The following FBXW5 variants were observed in gnomAD, a reference collection of about 807,000 sequenced individuals.
FBXW5 encodes F-box and WD repeat domain containing 5.
A neutral mutation model predicts 50.9 loss-of-function variants in FBXW5; 74 were observed. The ratio of observed to expected loss-of-function variants is 1.45; its 90% CI spans 1.20 to 1.76. The LOEUF is 1.76. Among genes scored for constraint, FBXW5 ranks in the 40% most tolerant of loss-of-function variants. The pLI is 0.00. For synonymous variants in FBXW5, 523 were observed against 362.2 expected, an observed-to-expected ratio of 1.44 and a Z score of -5.04; for missense variants, 1,073 against 818.8, an observed-to-expected ratio of 1.31 and a Z score of -3.79.
Position 136,942,081 on chromosome 9 carries a change from G to C in FBXW5, c.1061C>G (p.Thr354Ser). The change falls in exon 6 of 9, where the codon ACC (threonine) becomes AGC (serine). Residue 354 changes from threonine (T) to serine (S), a missense_variant. Coordinates refer to ENST00000325285, the MANE Select transcript of FBXW5 (RefSeq NM_018998.4). ...TGGGGAGTAGGTGAGGCAGCCAGTGGTGAAGATGAGGTACTTGCTCTTGGC... is the reference window on the plus strand; with the variant it reads ...TGGGGAGTAGGTGAGGCAGCCAGTGCTGAAGATGAGGTACTTGCTCTTGGC... Reference protein sequence around the residue: ...TGAKSKYLIFTTGCLTYSPHQ... With the variant: ...TGAKSKYLIFSTGCLTYSPHQ... 1 of 1,612,022 alleles carries C rather than the reference G, an allele frequency of 6.2e-7. No individual in the cohort carries two copies. Among genetic ancestry groups the C allele is most frequent in the East Asian group, 2.2e-5 (1 of 44,818 alleles).
At chr9:136,941,855 C>G (rs1850784191) in intron 6 of FBXW5, 171 bp from the exon 7 acceptor site, 20 of 1,436,542 alleles carry the variant, frequency 1.4e-5, no homozygotes, top group Non-Finnish European at 1.8e-5. Context: ...TGCTTGCTGG[C>G]CAGCGGCCCT....
chr9:136,943,924 A>G lies in FBXW5; in HGVS notation c.160T>C (p.Tyr54His), dbSNP rs572083423. Residue 54 changes from tyrosine (Y) to histidine (H), a missense_variant, in exon 2 of 9, where the codon TAC (tyrosine) becomes CAC (histidine). Tyr to His is a moderately conservative substitution (Grantham distance 83, BLOSUM62 2). Coordinates refer to ENST00000325285, the MANE Select transcript of FBXW5 (RefSeq NM_018998.4). ...FLWREQFYRYYQVARDVPRHP... is the reference protein window; with the variant it reads ...FLWREQFYRYHQVARDVPRHP... ...CGGGGCACGTCGCGGGCCACCTGGT[A>G]GTAGCGGTAGAACTGCTCCCTCCAC... 1.0e-4 allele frequency: 156 copies of G among 1,551,256 alleles called. No homozygotes were observed. The highest frequency in any genetic ancestry group is 1.7e-4 in the Middle Eastern group (1 of 5,988).
chr9:136,942,083 G>A lies in FBXW5; in HGVS notation c.1059C>T (p.Phe353=), dbSNP rs1369797305. The A allele has an allele frequency of 1.9e-6, 3 of 1,612,000 alleles. No individual in the cohort carries two copies. Among genetic ancestry groups the A allele is most frequent in the Admixed American group, 1.7e-5 (1 of 59,896 alleles). ...GGGAGTAGGTGAGGCAGCCAGTGGT[G>A]AAGATGAGGTACTTGCTCTTGGCGC... The part of the protein sequence containing the change: ...ATGAKSKYLI[F]TTGCLTYSPH... The change falls in exon 6 of 9, where the codon TTC becomes TTT. Residue 353 remains phenylalanine, a synonymous_variant. Coordinates refer to ENST00000325285, the MANE Select transcript of FBXW5 (RefSeq NM_018998.4).
rs1212986403 is a variant in FBXW5, at chr9:136,942,941, G to T, written c.354C>A (p.Ile118=). The change falls in exon 4 of 9, where the codon ATC becomes ATA. Residue 118 remains isoleucine (I), a splice_region_variant and synonymous_variant. Coordinates refer to ENST00000325285, the MANE Select transcript of FBXW5 (RefSeq NM_018998.4). The part of the protein sequence containing the change: ...ASCSKDCTVK[I]WSNDLTISLL... ...GCGAGATGGTCAGGTCGTTGCTCCAGATCTGTTCGGCAGGGGCGGCTGTAG... is the reference window on the plus strand; with the variant it reads ...GCGAGATGGTCAGGTCGTTGCTCCATATCTGTTCGGCAGGGGCGGCTGTAG... The T allele has an allele frequency of 6.2e-7, 1 of 1,613,156 alleles. No individual in the cohort carries two copies. Among genetic ancestry groups the T allele is most frequent in the African/African-American group, 1.3e-5 (1 of 75,002 alleles).
chr9:136,943,045 A>G lies in FBXW5; in HGVS notation c.352-102T>C, dbSNP rs1442033641. The stretch of plus-strand genomic sequence containing the variant: ...CCCCAGCTCTGCCAGCCCTACTCAG[A>G]GGCCACCAGGGAGCAGGGACCCCTT... On this transcript the variant is annotated intron_variant, in intron 3 of 8. Coordinates refer to ENST00000325285, the MANE Select transcript of FBXW5 (RefSeq NM_018998.4). 5.1e-6 allele frequency: 8 copies of G among 1,562,658 alleles called. No individual in the cohort carries two copies. The East Asian group carries it at 1.8e-4, about 35-fold the overall frequency.
In FBXW5 at chr9:136,940,836, T is replaced by C. The variant is rs1452058646; in HGVS notation, c.*92A>G. 2.7e-6 allele frequency: 4 copies of C among 1,478,454 alleles called. No individual in the cohort carries two copies. The African/African-American group carries it at 5.6e-5, about 21-fold the overall frequency. 91.6% of individuals were successfully genotyped at this position (1,478,454 alleles called of 1,614,324 possible). On this transcript the variant is annotated 3_prime_UTR_variant, in exon 9 of 9. Transcript: ENST00000325285. The stretch of plus-strand genomic sequence containing the variant: ...TCCCCTTCCTAAGGCGTAACTGCTA[T>C]AAGCATCTCCACCTCTCCCGCTCGG...
chr9:136,942,696 C>G lies in FBXW5; in HGVS notation c.527-1G>C. The G allele has an allele frequency of 1.2e-6, 2 of 1,611,286 alleles. No individual in the cohort carries two copies. Among genetic ancestry groups the G allele is most frequent in the Non-Finnish European group, 1.7e-6 (2 of 1,179,252 alleles). The stretch of plus-strand genomic sequence containing the variant: ...ACGCGGGACAGCAGCGCGAAGGAGT[C>G]TGTGGGGAGGCCGGGGCTGGACAGG... On this transcript the variant is annotated splice_acceptor_variant, in intron 4 of 8. Coordinates refer to ENST00000325285, the MANE Select transcript of FBXW5 (RefSeq NM_018998.4). LOFTEE classifies it high-confidence loss of function.
chr9:136,941,220 C>T (rs2131351571), intron 8 of FBXW5, 31 bp downstream of exon 8: 4 of 1,600,100 alleles, frequency 2.5e-6, no homozygotes, highest in South Asian at 2.2e-5. Context: ...CTGCTGCCCA[C>T]ACCCGCCCTG....
At position 136,942,314 on chromosome 9, in the gene FBXW5, GGGGGACGTGGC is replaced by G; in HGVS notation, c.817_827del (p.Ala273LeufsTer5). ...CGCTGCCCAGGTCAAAGATGCGGCAGGGGGACGTGGCCGGGTCACCGGCTTCCAGCAGCAGG... is the reference window on the plus strand; with the variant it reads ...CGCTGCCCAGGTCAAAGATGCGGCAGCGGGTCACCGGCTTCCAGCAGCAGG... On this transcript the variant is annotated frameshift_variant, in exon 6 of 9. Coordinates refer to ENST00000325285, the MANE Select transcript of FBXW5 (RefSeq NM_018998.4). LOFTEE classifies it high-confidence loss of function. 6.3e-7 allele frequency: 1 copy of G among 1,598,330 alleles called. No individual in the cohort carries two copies. Among genetic ancestry groups the G allele is most frequent in the Admixed American group, 1.7e-5 (1 of 57,520 alleles).
chr9:136,943,495 A>AG lies in FBXW5; in HGVS notation c.204dup (p.Trp69LeufsTer10). On this transcript the variant is annotated frameshift_variant, in exon 3 of 9. Coordinates refer to ENST00000325285, the MANE Select transcript of FBXW5 (RefSeq NM_018998.4). LOFTEE classifies it high-confidence loss of function. ...TACAGCCGCTGGAACTCCTCGTACC[A>AG]GGACATGGCCGCTGCGGGTGGGCAG... is the stretch of plus-strand genomic sequence containing the variant. 6.2e-7 allele frequency: 1 copy of AG among 1,609,936 alleles called. No homozygotes were observed. The highest frequency in any genetic ancestry group is 8.5e-7 in the Non-Finnish European group (1 of 1,177,662).
Position 136,943,458 on chromosome 9 carries a change from G to A in FBXW5, c.242C>T (p.Pro81Leu), listed in dbSNP as rs776968692. The A allele has an allele frequency of 8.7e-6, 14 of 1,612,758 alleles. No individual in the cohort carries two copies. Among genetic ancestry groups the A allele is most frequent in the South Asian group, 2.2e-5 (2 of 91,086 alleles). Reference sequence around the variant, plus strand: ...CCGCAGCGTCTGCACCTCCACGCAGGGCACCGTGTCATACAGCCGCTGGAA... The same window carrying A: ...CCGCAGCGTCTGCACCTCCACGCAGAGCACCGTGTCATACAGCCGCTGGAA... ...EEFQRLYDTV[P>L]CVEVQTLREH... The change falls in exon 3 of 9, where the codon CCC becomes CTC. Residue 81 changes from proline (P) to leucine (L), a missense_variant. Pro to Leu is a moderately conservative substitution (Grantham distance 98, BLOSUM62 -3). Coordinates refer to ENST00000325285, the MANE Select transcript of FBXW5 (RefSeq NM_018998.4).
intron 8 of FBXW5, 22 bp from the exon 9 acceptor site, chr9:136,941,193 AGCCG>A: frequency 6.3e-7 from 1 of 1,598,184 alleles, no homozygotes; most frequent in East Asian, 2.3e-5. Flanking sequence ...CGCCTGGGTG[AGCCG>A]GCCGCCCGCC....
At position 136,941,397 on chromosome 9, in the gene FBXW5, T is replaced by G. The variant is rs761753439; in HGVS notation, c.1311A>C (p.Pro437=). ...GCAGGTCAATCTCCTCCGCGATTGG[T>G]GGCGGCTGCATGGGGTCGGCCACCA... ...GAVVADPMQP[P]PIAEEIDLLV... is the part of the protein sequence containing the mutation. Residue 437 remains proline, a synonymous_variant, in exon 8 of 9, where the codon CCA becomes CCC. Transcript: ENST00000325285. The G allele has an allele frequency of 1.2e-6, 2 of 1,611,212 alleles. No homozygotes were observed. The highest frequency in any genetic ancestry group is 1.7e-6 in the Non-Finnish European group (2 of 1,179,882).
Position 136,942,318 on chromosome 9 carries a change from G to T in FBXW5, c.824C>A (p.Ser275Tyr). ...LLLEAGDPAT[S>Y]PCRIFDLGSD... The stretch of plus-strand genomic sequence containing the variant: ...GCCCAGGTCAAAGATGCGGCAGGGG[G>T]ACGTGGCCGGGTCACCGGCTTCCAG... The change falls in exon 6 of 9, where the codon TCC becomes TAC. Residue 275 changes from serine (S) to tyrosine (Y), a missense_variant. Physicochemically the swap from Ser to Tyr is moderately radical, Grantham distance 144. Coordinates refer to ENST00000325285, the MANE Select transcript of FBXW5 (RefSeq NM_018998.4). 2 of 1,598,860 alleles carry T rather than the reference G, an allele frequency of 1.3e-6. No individual in the cohort carries two copies. Among genetic ancestry groups the T allele is most frequent in the Non-Finnish European group, 1.7e-6 (2 of 1,173,694 alleles).
chr9:136,943,009 C>CA, intron 3 of FBXW5, 66 bp from the exon 4 acceptor site: 1 of 1,603,680 alleles, frequency 6.2e-7, no homozygotes, highest in Non-Finnish European at 8.5e-7. Context: ...TGCTACTACA[C>CA]AGCCATGAGG....
rs142670174 is a variant in FBXW5 at position 136,942,597 on chromosome 9, T to C, written c.625A>G (p.Ile209Val). 1.6e-3 allele frequency: 2,583 copies of C among 1,611,108 alleles called. 5 individuals carry two copies. The highest frequency in any genetic ancestry group is 2.0e-3 in the Non-Finnish European group (2,325 of 1,179,332). ...ACCGAGCAGGAGGTGATATCTCCGA[T>C]GCGGTGCAGGTTCCCCGAGATGAGG... The part of the protein sequence containing the change: ...TSLISGNLHR[I>V]GDITSCSVLW... The change falls in exon 5 of 9, where the codon ATC (isoleucine) becomes GTC (valine). Residue 209 changes from isoleucine to valine, a missense_variant. Coordinates refer to ENST00000325285, the MANE Select transcript of FBXW5 (RefSeq NM_018998.4).
At chr9:136,944,435 A>G (rs1850953411) in intron 1 of FBXW5, 159 bp downstream of exon 1, 1 of 899,682 alleles carries the variant, frequency 1.1e-6, no homozygotes, top group South Asian at 5.1e-5. Context: ...CGGGGCGGCC[A>G]GGCAGTGGCC....
At chr9:136,942,004 G>C in intron 6 of FBXW5, 42 bp downstream of exon 6, 6 of 1,556,836 alleles carry the variant, frequency 3.9e-6, no homozygotes, top group Non-Finnish European at 5.2e-6. Context: ...CCTCCCCCAA[G>C]CTCCTAGGAC....
intron 6 of FBXW5, 148 bp downstream of exon 6, chr9:136,941,898 G>A (rs1029243732): frequency 6.8e-5 from 98 of 1,436,796 alleles, no homozygotes; most frequent in Non-Finnish European, 8.4e-5. Flanking sequence ...CATCCCACAG[G>A]CCCCAGGTCT....
Sources: allele counts gnomAD v4.1 joint callset, GRCh38; gene constraint gnomAD v4.1.1; transcripts MANE v1.5; gene names NCBI Gene and HGNC (gene_info 2026-07-23, HGNC 2026-07-21).